The following EML5 variants were observed in gnomAD, a reference collection of about 807,000 sequenced individuals.
EML5 encodes the protein echinoderm microtubule-associated protein-like 5.
EML5 carries 120 observed loss-of-function variants against 250.0 expected under a neutral mutation model. That is an observed-to-expected ratio of 0.48 (90% CI 0.41 to 0.56). The LOEUF (loss-of-function observed/expected upper bound fraction) is 0.56, where lower values mean the gene tolerates loss of function less well. Among genes scored for constraint, EML5 ranks in the 20% least tolerant of loss-of-function variants. EML5 has a pLI of 0.00. For missense variants in EML5, 2,006 were observed against 2,437.6 expected (o/e 0.82, Z 3.73); for synonymous variants, 771 against 806.5 (o/e 0.96, Z 0.75).
rs1391234373 is a variant in EML5, at chr14:88,627,801, T to C, written c.4376A>G (p.His1459Arg). ...ADMSATAPSI[H>R]IWDAMNKQTL... is the part of the protein sequence containing the mutation. Reference sequence around the variant, plus strand: ...CTGCTTGTTCATTGCATCCCAGATGTGAATAGAAGGAGCTGTAGCTAAATA... The same window carrying C: ...CTGCTTGTTCATTGCATCCCAGATGCGAATAGAAGGAGCTGTAGCTAAATA... Residue 1459 changes from histidine (H) to arginine (R), a missense_variant, in exon 34 of 44, where the codon CAC becomes CGC. By Grantham distance (29) the His-to-Arg change is conservative. Transcript: ENST00000554922. 1.8e-5 allele frequency: 28 copies of C among 1,599,874 alleles called. No homozygotes were observed. Among genetic ancestry groups the C allele is most frequent in the Non-Finnish European group, 2.3e-5 (27 of 1,174,036 alleles).
chr14:88,722,218 G>A (rs1220387468), intron 8 of EML5, among the ~76,000 whole-genome samples: 2 of 152,202 alleles, frequency 1.3e-5, no homozygotes, highest in Non-Finnish European at 2.9e-5. Flanking sequence ...ATTCCTCAAA[G>A]ATCTAGAACC....
At chr14:88,646,643 A>G (rs936846550) in intron 29 of EML5, among the ~76,000 whole-genome samples, 35 of 152,170 alleles carry the variant, frequency 2.3e-4, no homozygotes, top group African/African-American at 8.2e-4. Flanking sequence ...AGATCATTTA[A>G]GCATATTTTA....
intron 14 of EML5, 36 bp downstream of exon 14, chr14:88,702,410 A>G: frequency 1.3e-6 from 2 of 1,532,270 alleles, no homozygotes; most frequent in Non-Finnish European, 1.8e-6. Flanking sequence ...ACAAAGGTGT[A>G]GCTTATCTGG....
chr14:88,691,160 A>G (rs994315298), intron 17 of EML5, among the ~76,000 whole-genome samples: 3 of 152,134 alleles, frequency 2.0e-5, no homozygotes, highest in African/African-American at 7.2e-5. Flanking sequence ...CCAAATTCAG[A>G]AGGTTGGGCT....
chr14:88,742,443 C>T (rs1320803038), intron 4 of EML5, among the ~76,000 whole-genome samples: 1 of 152,032 alleles, frequency 6.6e-6, no homozygotes, highest in African/African-American at 2.4e-5. Context: ...ACATGTATTG[C>T]CTGCAAAGAG....
intron 1 of EML5, among the ~76,000 whole-genome samples, chr14:88,767,363 G>C (rs973338575): frequency 3.9e-5 from 6 of 152,144 alleles, no homozygotes; most frequent in Non-Finnish European, 8.8e-5. Flanking sequence ...ATACCCTTAT[G>C]AAGATGCCCT....
At position 88,685,079 on chromosome 14, in the gene EML5, A is replaced by G; in HGVS notation, c.2918T>C (p.Val973Ala). Residue 973 changes from valine to alanine, a missense_variant, in exon 20 of 44, where the codon GTT becomes GCT. Val to Ala is a moderately conservative substitution (Grantham distance 64). Around this residue, in one of 7 missense-constraint regions of EML5, gnomAD observed 1,375 missense variants for 1,590.3 expected, o/e 0.86. Coordinates refer to ENST00000554922, the MANE Select transcript of EML5 (RefSeq NM_183387.3). ...AISLGHGHILVGTKNGEILEV... is the reference protein window; with the variant it reads ...AISLGHGHILAGTKNGEILEV... ...TAGTATTTCACCATTCTTTGTGCCA[A>G]CTAAAATATGACCATGTCCTAATGA... is the stretch of plus-strand genomic sequence containing the variant. 6.2e-7 allele frequency: 1 copy of G among 1,611,778 alleles called. No individual in the cohort carries two copies. The highest frequency in any genetic ancestry group is 2.2e-5 in the East Asian group (1 of 44,650).
chr14:88,780,992 T>C (rs1487801369), intron 1 of EML5, among the ~76,000 whole-genome samples: 5 of 152,220 alleles, frequency 3.3e-5, no homozygotes, highest in African/African-American at 9.7e-5. Context: ...TCTGGTACTA[T>C]ATAACCTAGC....
At chr14:88,742,175 C>T (rs951314233) in intron 4 of EML5, among the ~76,000 whole-genome samples, 1 of 152,038 alleles carries the variant, frequency 6.6e-6, no homozygotes, top group Admixed American at 6.6e-5. Context: ...TATTTTGATG[C>T]TCAGCAAGGG....
chr14:88,664,351 A>C, intron 23 of EML5, 142 bp downstream of exon 23: 2 of 646,840 alleles, frequency 3.1e-6, no homozygotes. Context: ...GATGTAAAAT[A>C]GTAAAAAATA....
chr14:88,753,035 A>G (rs1481982809), intron 2 of EML5, among the ~76,000 whole-genome samples: 1 of 152,178 alleles, frequency 6.6e-6, no homozygotes, highest in Non-Finnish European at 1.5e-5. Context: ...CACTGGGTGC[A>G]GGAACCCAAA....
At chr14:88,640,031 C>T (rs1279203035) in intron 31 of EML5, among the ~76,000 whole-genome samples, 1 of 152,074 alleles carries the variant, frequency 6.6e-6, no homozygotes, top group Admixed American at 6.5e-5. Context: ...AAAATGAGTT[C>T]AGAGCAGTAG....
At chr14:88,685,212 A>G in intron 19 of EML5, 70 bp from the exon 20 acceptor site, 2 of 1,305,658 alleles carry the variant, frequency 1.5e-6, no homozygotes, top group South Asian at 3.6e-5. Context: ...TATATTGCCA[A>G]TTAAGCTATT....
chr14:88,650,893 C>T (rs1454413553), intron 27 of EML5, among the ~76,000 whole-genome samples: 1 of 152,188 alleles, frequency 6.6e-6, no homozygotes, highest in Admixed American at 6.5e-5. Flanking sequence ...CCTCCCACTT[C>T]AGCCTCCCAA....
At chr14:88,651,154 C>CTTTTTTT (rs869045980) in intron 27 of EML5, among the ~76,000 whole-genome samples, 22 of 93,126 alleles carry the variant, frequency 2.4e-4, no homozygotes, top group South Asian at 4.2e-4. Flanking sequence ...TTGTCATTTT[C>CTTTTTTT]TTTTTTTTTT....
rs1475066806 is a variant in EML5, at chr14:88,736,522, T to G, written c.891A>C (p.Leu297=). The change falls in exon 7 of 44, where the codon CTA becomes CTC. Residue 297 remains leucine, a synonymous_variant. Coordinates refer to ENST00000554922, the MANE Select transcript of EML5 (RefSeq NM_183387.3). ...RSVCWRGDHI[L]VGTQDSEIFE... ...AAATTTCACTGTCCTGTGTTCCAAC[T>G]AGAATGTGGTCACCTCGCCAACACA... is the stretch of plus-strand genomic sequence containing the variant. 6.2e-7 allele frequency: 1 copy of G among 1,613,796 alleles called. No individual in the cohort carries two copies. Among genetic ancestry groups the G allele is most frequent in the African/African-American group, 1.3e-5 (1 of 74,902 alleles).
At chr14:88,773,525 G>C (rs2094416324) in intron 1 of EML5, among the ~76,000 whole-genome samples, 1 of 152,280 alleles carries the variant, frequency 6.6e-6, no homozygotes, top group Middle Eastern at 3.4e-3. Context: ...TTGACTCCTA[G>C]GCCAGCACCT....
chr14:88,650,070 T>C, intron 27 of EML5, 144 bp from the exon 28 acceptor site: 1 of 518,090 alleles, frequency 1.9e-6, no homozygotes, highest in Admixed American at 3.9e-5. Flanking sequence ...TATGTCACAT[T>C]GGTTTAAACA....
intron 7 of EML5, 71 bp downstream of exon 7, chr14:88,736,293 C>T (rs1430909494): frequency 7.1e-6 from 11 of 1,553,866 alleles, no homozygotes; most frequent in Non-Finnish European, 9.7e-6. Flanking sequence ...GCCACAGTGC[C>T]TGGCCATGTT....
Sources: allele counts gnomAD v4.1 joint callset (sites outside exome capture counted in the v4.1 genomes callset), GRCh38; gene constraint gnomAD v4.1.1; regional missense constraint gnomAD v4.1.1; transcripts MANE v1.5; gene names NCBI Gene and HGNC (gene_info 2026-07-23, HGNC 2026-07-21).